Variants in DLGAP2 observed in about 807,000 individuals in gnomAD.
DLGAP2 encodes the protein DLG associated protein 2.
Under a neutral mutation model 100.3 loss-of-function variants are expected in DLGAP2, and 26 were observed. The observed-to-expected ratio is 0.26, with a 90% CI of 0.19 to 0.36. The LOEUF is 0.36. Among genes scored for constraint, DLGAP2 ranks in the 10% least tolerant of loss-of-function variants. The pLI is 1.00. For missense variants in DLGAP2, 1,858 were observed against 1,453.2 expected (o/e 1.28, Z -4.53); for synonymous variants, 886 against 630.1 (o/e 1.41, Z -6.08).
chr8:1,279,054 G>T (rs1279479915), intron 3 of DLGAP2, among the ~76,000 whole-genome samples: 1 of 152,174 alleles, frequency 6.6e-6, no homozygotes, highest in Non-Finnish European at 1.5e-5. Flanking sequence ...ACCCCAGGGG[G>T]TGTGCTTTAA....
intron 4 of DLGAP2, among the ~76,000 whole-genome samples, chr8:1,525,675 G>C (rs1041465735): frequency 1.3e-4 from 20 of 152,236 alleles, no homozygotes; most frequent in African/African-American, 4.8e-4. Flanking sequence ...GGTTCTTCCT[G>C]ATCTCACCTC....
At chr8:1,432,391 A>T (rs1195587801) in intron 3 of DLGAP2, among the ~76,000 whole-genome samples, 1 of 152,210 alleles carries the variant, frequency 6.6e-6, no homozygotes, top group Non-Finnish European at 1.5e-5. Flanking sequence ...CTTAACTGAA[A>T]GAAGTTAGAA....
rs139205620 is a variant in DLGAP2 at position 1,378,869 on chromosome 8, G to A, written c.106+119986G>A. On this transcript the variant is annotated intron_variant, in intron 3 of 14. Transcript: ENST00000637795. Reference sequence around the variant, plus strand: ...TCTGTGCCGTCCCCTTCAGGGCAGTGTGGTCGGCGGGTTCAACACTCATGC... The same window carrying A: ...TCTGTGCCGTCCCCTTCAGGGCAGTATGGTCGGCGGGTTCAACACTCATGC... Among the ~76,000 whole-genome samples, 653 of 152,282 alleles carry A rather than the reference G, an allele frequency of 4.3e-3. 3 individuals carry two copies. The highest frequency in any genetic ancestry group is 0.015 in the African/African-American group (627 of 41,566).
intron 4 of DLGAP2, among the ~76,000 whole-genome samples, chr8:1,533,968 C>G (rs971383773): frequency 1.3e-5 from 2 of 152,158 alleles, no homozygotes; most frequent in Non-Finnish European, 2.9e-5. Context: ...AAATAAAATA[C>G]TATGAATACA....
intron 2 of DLGAP2, among the ~76,000 whole-genome samples, chr8:1,237,885 C>A (rs1231799694): frequency 8.6e-5 from 1 of 11,630 alleles, no homozygotes; most frequent in South Asian, 2.4e-3. Context: ...GTCTAGTTCT[C>A]TCACATGGTG....
intron 1 of DLGAP2, chr8:753,403 G>A (rs1820841856): frequency 6.6e-6 from 1 of 152,230 alleles, no homozygotes; most frequent in South Asian, 2.1e-4. Context: ...TCAGTCACTA[G>A]GAAGAATAAG....
intron 6 of DLGAP2, chr8:1,604,741 C>T (rs912856777): frequency 6.6e-5 from 10 of 152,074 alleles, no homozygotes; most frequent in Middle Eastern, 3.2e-3. Context: ...GCTCCGACAC[C>T]AGCCTTTAAA....
Position 1,133,393 on chromosome 8 carries a change from A to C in DLGAP2, c.74-125458A>C, listed in dbSNP as rs573530241. Among the ~76,000 whole-genome samples the C allele has an allele frequency of 2.5e-4, 38 of 152,338 alleles. No individual in the cohort carries two copies. The South Asian group carries it at 7.9e-3, about 32-fold the overall frequency. ...AACCAGGAAGTTATCATAAAATTAT[A>C]TTGATCATTAATAGGAGTCATGAGA... is the stretch of plus-strand genomic sequence containing the variant. On this transcript the variant is annotated intron_variant, in intron 2 of 14. Coordinates refer to ENST00000637795, the MANE Select transcript of DLGAP2 (RefSeq NM_001346810.2).
intron 3 of DLGAP2, among the ~76,000 whole-genome samples, chr8:1,347,314 A>G (rs560371052): frequency 6.6e-6 from 1 of 151,958 alleles, no homozygotes; most frequent in African/African-American, 2.4e-5. Context: ...GAGTTCCCCC[A>G]CAGAGCTGCA....
At chr8:1,633,115 A>G (rs1797690701) in intron 8 of DLGAP2, 69 bp downstream of exon 8, 1 of 1,496,726 alleles carries the variant, frequency 6.7e-7, no homozygotes, top group Non-Finnish European at 9.3e-7. Flanking sequence ...TCCTAGAAGG[A>G]GCGAGCAGCA....
intron 2 of DLGAP2, among the ~76,000 whole-genome samples, chr8:1,011,872 G>A (rs559077077): frequency 2.9e-4 from 44 of 152,346 alleles, no homozygotes; most frequent in African/African-American, 1.0e-3. Flanking sequence ...GGAACCAGGA[G>A]TTGTGGATGG....
intron 2 of DLGAP2, among the ~76,000 whole-genome samples, chr8:1,136,977 C>G (rs2129049968): frequency 6.6e-6 from 1 of 152,344 alleles, no homozygotes; most frequent in South Asian, 2.1e-4. Flanking sequence ...AATCCTGCCT[C>G]TCAAGATGGT....
At chr8:1,225,918 T>A (rs1798404839) in intron 2 of DLGAP2, among the ~76,000 whole-genome samples, 2 of 152,224 alleles carry the variant, frequency 1.3e-5, no homozygotes, top group Non-Finnish European at 2.9e-5. Context: ...CAAAACATCA[T>A]GCTGTATGCT....
chr8:1,316,061 G>C (rs1800736223), intron 3 of DLGAP2, among the ~76,000 whole-genome samples: 1 of 138,890 alleles, frequency 7.2e-6, no homozygotes, highest in African/African-American at 2.6e-5. Flanking sequence ...AATAGAGCGT[G>C]TGTGAGTGCA....
chr8:765,379 C>T (rs1318637489), intron 1 of DLGAP2, among the ~76,000 whole-genome samples: 2 of 151,932 alleles, frequency 1.3e-5, no homozygotes, highest in Non-Finnish European at 2.9e-5. Context: ...ACCTGTTATG[C>T]GGTGGATAGA....
chr8:1,516,929 A>G (rs1337691005), intron 4 of DLGAP2, among the ~76,000 whole-genome samples: 1 of 152,238 alleles, frequency 6.6e-6, no homozygotes, highest in Admixed American at 6.5e-5. Flanking sequence ...GCTTGAAACA[A>G]TAAAATACAT....
chr8:1,548,958 C>G lies in DLGAP2; in HGVS notation c.505C>G (p.His169Asp). The G allele has an allele frequency of 6.3e-7, 1 of 1,599,082 alleles. No individual in the cohort carries two copies. The highest frequency in any genetic ancestry group is 8.5e-7 in the Non-Finnish European group (1 of 1,179,464). The change falls in exon 5 of 15, where the codon CAC becomes GAC. Residue 169 changes from histidine (H) to aspartate (D), a missense_variant. Physicochemically the swap from His to Asp is moderately conservative, Grantham distance 81 (BLOSUM62 -1). Coordinates refer to ENST00000637795, the MANE Select transcript of DLGAP2 (RefSeq NM_001346810.2). The stretch of plus-strand genomic sequence containing the variant: ...CTTCCCGCGGATGCACTACAGCTCG[C>G]ACTACGACACGCGCGACGACTGCGC... ...STFPRMHYSS[H>D]YDTRDDCAVA...
chr8:1,356,362 T>C (rs1801850502), intron 3 of DLGAP2, among the ~76,000 whole-genome samples: 1 of 152,244 alleles, frequency 6.6e-6, no homozygotes, highest in African/African-American at 2.4e-5. Context: ...ATTTTCTAGA[T>C]GTTTAAAGCT....
intron 3 of DLGAP2, among the ~76,000 whole-genome samples, chr8:1,428,448 G>A (rs1414874709): frequency 6.6e-6 from 1 of 152,116 alleles, no homozygotes; most frequent in African/African-American, 2.4e-5. Context: ...GAGTGAGTAT[G>A]TGCCAGGGAA....
Sources: allele counts gnomAD v4.1 joint callset (sites outside exome capture counted in the v4.1 genomes callset), GRCh38; gene constraint gnomAD v4.1.1; transcripts MANE v1.5; gene names NCBI Gene and HGNC (gene_info 2026-07-23, HGNC 2026-07-21).